The following AGAP1 variants were observed in gnomAD, a reference collection of about 807,000 sequenced individuals.
The protein encoded by AGAP1 is ArfGAP with GTPase domain, ankyrin repeat and PH domain 1.
AGAP1 carries 29 observed loss-of-function variants against 105.3 expected under a neutral mutation model. That is an observed-to-expected ratio of 0.28 (90% CI 0.21 to 0.38). The LOEUF (loss-of-function observed/expected upper bound fraction) is 0.38, where lower values mean the gene tolerates loss of function less well. Among genes scored for constraint, AGAP1 ranks in the 10% least tolerant of loss-of-function variants. The pLI is 1.00. For synonymous variants in AGAP1, 509 were observed against 485.9 expected (o/e 1.05, Z -0.63); for missense variants, 998 against 1,165.1 (o/e 0.86, Z 2.09).
rs1946276103 is a variant in AGAP1, at chr2:235,615,401, G to T, written c.164-93778G>T. ...ATCTCATATGACCAAAAGTTGGAAT[G>T]ATCCCATTCTTTACTCACAGCCTGA... is the stretch of plus-strand genomic sequence containing the variant. On this transcript the variant is annotated intron_variant, in intron 1 of 17. Transcript: ENST00000304032. The surrounding 1 kb of genome is among the most constrained non-coding windows in gnomAD (Gnocchi z 5.0). 6.6e-6 allele frequency among the ~76,000 whole-genome samples: 1 copy of T among 152,202 alleles called. No individual in the cohort carries two copies. The highest frequency in any genetic ancestry group is 2.1e-4 in the South Asian group (1 of 4,828).
chr2:235,834,192 A>T (rs1474517487), intron 9 of AGAP1, among the ~76,000 whole-genome samples: 1 of 152,112 alleles, frequency 6.6e-6, no homozygotes, highest in Non-Finnish European at 1.5e-5. Context: ...GCCTTGTGGG[A>T]GAAAAGTTCC....
chr2:236,049,203 C>T lies in AGAP1; in HGVS notation c.2036C>T (p.Ser679Phe). The T allele has an allele frequency of 1.9e-6, 3 of 1,614,208 alleles. No individual in the cohort carries two copies. The highest frequency in any genetic ancestry group is 2.2e-5 in the East Asian group (1 of 44,886). Residue 679 changes from serine (S) to phenylalanine (F), a missense_variant, in exon 16 of 18, where the codon TCC (serine) becomes TTC (phenylalanine). Physicochemically the swap from Ser to Phe is radical, Grantham distance 155. Transcript: ENST00000304032. ...GTCGAGCTCATCAAGGTGATGTCAT[C>T]CATCGGGAACGAGCTAGCCAACAGC... ...WPVELIKVMS[S>F]IGNELANSVW...
chr2:235,818,236 C>T (rs547959407), intron 9 of AGAP1, among the ~76,000 whole-genome samples: 10 of 152,198 alleles, frequency 6.6e-5, no homozygotes, highest in Non-Finnish European at 1.2e-4. Context: ...TCTCCACCAA[C>T]CTAAGATACA....
In AGAP1 at chr2:235,631,187, C is replaced by G. The variant is rs1031428846; in HGVS notation, c.164-77992C>G. Among the ~76,000 whole-genome samples the G allele has an allele frequency of 6.6e-6, 1 of 152,154 alleles. No individual in the cohort carries two copies. Among genetic ancestry groups the G allele is most frequent in the East Asian group, 1.9e-4 (1 of 5,184 alleles). On this transcript the variant is annotated intron_variant, in intron 1 of 17. Coordinates refer to ENST00000304032, the MANE Select transcript of AGAP1 (RefSeq NM_001037131.3). This position sits in a 1 kb window ranked among gnomAD's most constrained non-coding sequence, Gnocchi z 5.4. ...GGTTCATTACTTCTGCAAATAAACA[C>G]GTTGAAGAGCCTCCTTCCAGTGGGT... is the stretch of plus-strand genomic sequence containing the variant.
At chr2:236,068,289 ATAGC>A (rs542002035) in intron 16 of AGAP1, among the ~76,000 whole-genome samples, 14 of 152,038 alleles carry the variant, frequency 9.2e-5, no homozygotes, top group Admixed American at 2.6e-4. Flanking sequence ...AAAAAATCAA[ATAGC>A]TAGCGCAGAT....
At chr2:235,670,140 C>T (rs1361245477) in intron 1 of AGAP1, 4 of 581,020 alleles carry the variant, frequency 6.9e-6, no homozygotes, top group African/African-American at 3.9e-5. Flanking sequence ...GCGTCGCCAC[C>T]CGCGGACGCG....
rs188315335 is a variant in AGAP1, at chr2:235,958,692, A to G, written c.1484-9770A>G. Among the ~76,000 whole-genome samples, 2 of 152,292 alleles carry G rather than the reference A, an allele frequency of 1.3e-5. No individual in the cohort carries two copies. The highest frequency in any genetic ancestry group is 3.9e-4 in the East Asian group (2 of 5,172). ...CACGTTTTCCACTTGAGCTGAAACTAAATGATTGTAAAATAAGTTATGAGT... is the reference window on the plus strand; with the variant it reads ...CACGTTTTCCACTTGAGCTGAAACTGAATGATTGTAAAATAAGTTATGAGT... On this transcript the variant is annotated intron_variant, in intron 12 of 17. Coordinates refer to ENST00000304032, the MANE Select transcript of AGAP1 (RefSeq NM_001037131.3). The surrounding 1 kb of genome is among the most constrained non-coding windows in gnomAD (Gnocchi z 4.1).
At chr2:235,975,133 GT>G (rs1284787816) in intron 13 of AGAP1, among the ~76,000 whole-genome samples, 7 of 152,262 alleles carry the variant, frequency 4.6e-5, no homozygotes, top group Middle Eastern at 3.4e-3. Flanking sequence ...TTCATTAAAT[GT>G]TGCCTACTTA....
intron 9 of AGAP1, among the ~76,000 whole-genome samples, chr2:235,863,972 AAGGACAAATCTTTT>A (rs1224251448): frequency 6.6e-6 from 1 of 152,228 alleles, no homozygotes; most frequent in Non-Finnish European, 1.5e-5. Context: ...GTTGGAGAGA[AAGGACAAATCTTTT>A]ATGCGGAGGA....
intron 9 of AGAP1, among the ~76,000 whole-genome samples, chr2:235,826,129 T>G (rs1959049251): frequency 6.6e-6 from 1 of 152,228 alleles, no homozygotes; most frequent in Non-Finnish European, 1.5e-5. Flanking sequence ...CCTGCTTAGT[T>G]GTTGGCTCCA....
chr2:235,528,236 AG>A (rs904406254), intron 1 of AGAP1, among the ~76,000 whole-genome samples: 14 of 150,338 alleles, frequency 9.3e-5, no homozygotes, highest in African/African-American at 2.9e-4. Context: ...TTTGCATCTG[AG>A]GGGGAACCTG....
chr2:235,563,714 A>G (rs1338182419), intron 1 of AGAP1, among the ~76,000 whole-genome samples: 5 of 152,010 alleles, frequency 3.3e-5, no homozygotes, highest in Admixed American at 6.6e-5. Context: ...GAACTTTGCT[A>G]TGGCTTGGGA....
intron 9 of AGAP1, among the ~76,000 whole-genome samples, chr2:235,857,313 A>G (rs1027241186): frequency 6.6e-6 from 1 of 152,162 alleles, no homozygotes; most frequent in Non-Finnish European, 1.5e-5. Context: ...TCTAAGGTGG[A>G]ACAGTTTCAC....
In AGAP1 at chr2:235,963,961, G is replaced by T. The variant is rs1196531321; in HGVS notation, c.1484-4501G>T. 6.6e-6 allele frequency among the ~76,000 whole-genome samples: 1 copy of T among 152,180 alleles called. No homozygotes were observed. Among genetic ancestry groups the T allele is most frequent in the South Asian group, 2.1e-4 (1 of 4,824 alleles). On this transcript the variant is annotated intron_variant, in intron 12 of 17. Coordinates refer to ENST00000304032, the MANE Select transcript of AGAP1 (RefSeq NM_001037131.3). The surrounding 1 kb of genome is among the most constrained non-coding windows in gnomAD (Gnocchi z 5.1). Reference sequence around the variant, plus strand: ...GCGGTGTACACTCATAAAAACAACCGCTGGATAACGGAAGAGAGTTTATGA... The same window carrying T: ...GCGGTGTACACTCATAAAAACAACCTCTGGATAACGGAAGAGAGTTTATGA...
Position 236,120,402 on chromosome 2 carries a change from G to A in AGAP1, c.2325G>A (p.Leu775=), listed in dbSNP as rs1459887674. 1 of 1,611,474 alleles carries A rather than the reference G, an allele frequency of 6.2e-7. No individual in the cohort carries two copies. The highest frequency in any genetic ancestry group is 1.7e-5 in the Admixed American group (1 of 60,018). ...GEGDGRTALH[L]ACRKGNVVLA... Reference sequence around the variant, plus strand: ...GAGACGGCCGCACGGCGCTGCATCTGGCCTGCCGCAAGGGGAATGTGGTCC... The same window carrying A: ...GAGACGGCCGCACGGCGCTGCATCTAGCCTGCCGCAAGGGGAATGTGGTCC... The change falls in exon 17 of 18, where the codon CTG becomes CTA. Residue 775 remains leucine (L), a synonymous_variant. Transcript: ENST00000304032. This position sits in a 1 kb window ranked among gnomAD's most constrained non-coding sequence, Gnocchi z 6.0.
At chr2:235,644,325 C>G (rs748145879) in intron 1 of AGAP1, among the ~76,000 whole-genome samples, 2 of 152,208 alleles carry the variant, frequency 1.3e-5, no homozygotes, top group Non-Finnish European at 2.9e-5. Flanking sequence ...ATCTCTGTCC[C>G]GTTCACTGTC....
intron 8 of AGAP1, among the ~76,000 whole-genome samples, chr2:235,804,884 G>A (rs939170918): frequency 5.3e-5 from 8 of 152,182 alleles, no homozygotes; most frequent in African/African-American, 1.9e-4. Flanking sequence ...GGGTGCTGAG[G>A]GCTGCCTTGT....
rs2053824905 is a variant in AGAP1, at chr2:235,953,459, A to G, written c.1484-15003A>G. 6.6e-6 allele frequency among the ~76,000 whole-genome samples: 1 copy of G among 152,218 alleles called. No individual in the cohort carries two copies. Among genetic ancestry groups the G allele is most frequent in the Non-Finnish European group, 1.5e-5 (1 of 68,046 alleles). ...GTTAGCTGGTATTTAAATAATATTC[A>G]ACACTCCTAAGCCTTAAATAGGCAA... is the stretch of plus-strand genomic sequence containing the variant. On this transcript the variant is annotated intron_variant, in intron 12 of 17. Transcript: ENST00000304032. This position sits in a 1 kb window ranked among gnomAD's most constrained non-coding sequence, Gnocchi z 5.2.
intron 11 of AGAP1, among the ~76,000 whole-genome samples, chr2:235,917,668 G>C (rs980997374): frequency 1.3e-5 from 2 of 152,136 alleles, no homozygotes; most frequent in African/African-American, 4.8e-5. Context: ...ATGAGGCACC[G>C]GCGGCTCTGT....
Sources: gnomAD v4.1 joint callset for allele counts (sites outside exome capture counted in the v4.1 genomes callset) on GRCh38, gnomAD v4.1.1 for gene constraint, Gnocchi (gnomAD v3.1) non-coding constraint, MANE v1.5 for transcripts, NCBI Gene and HGNC (gene_info 2026-07-23, HGNC 2026-07-21) for gene names.